The following LIPH variants were observed in gnomAD, a reference collection of about 807,000 sequenced individuals.
The protein encoded by LIPH is lipase member H.
A neutral mutation model predicts 47.6 loss-of-function variants in LIPH; 32 were observed. The ratio of observed to expected loss-of-function variants is 0.67; its 90% CI spans 0.51 to 0.90. The LOEUF (loss-of-function observed/expected upper bound fraction) is 0.90, where lower values mean the gene tolerates loss of function less well. Ranked by LOEUF, LIPH falls within the 40% of genes least tolerant of loss-of-function variation. The probability of loss-of-function intolerance (pLI) is 0.00; values close to 1 mark genes in which losing one functional copy is unlikely to be tolerated. For missense variants in LIPH, 497 were observed against 541.4 expected (o/e 0.92, Z 0.81); for synonymous variants, 190 against 195.6 (o/e 0.97, Z 0.24).
At chr3:185,528,966 A>G (rs1398221435) in intron 3 of LIPH, among the ~76,000 whole-genome samples, 2 of 149,504 alleles carry the variant, frequency 1.3e-5, no homozygotes, top group Non-Finnish European at 3.0e-5. Flanking sequence ...GATTGAGACC[A>G]TCCTGGCTAA....
intron 3 of LIPH, among the ~76,000 whole-genome samples, chr3:185,533,100 G>A (rs1720384584): frequency 6.6e-6 from 1 of 152,154 alleles, no homozygotes; most frequent in Non-Finnish European, 1.5e-5. Context: ...CTGCATTTCT[G>A]AAGGTTTTCA....
chr3:185,528,558 C>G (rs1720200846), intron 3 of LIPH, among the ~76,000 whole-genome samples: 1 of 152,118 alleles, frequency 6.6e-6, no homozygotes, highest in South Asian at 2.1e-4. Flanking sequence ...AGATCAAGAG[C>G]CTTGATCAGA....
rs992974246 is a variant in LIPH, at chr3:185,508,586, C to G, written c.*204G>C. On this transcript the variant is annotated 3_prime_UTR_variant, in exon 10 of 10. Coordinates refer to ENST00000296252, the MANE Select transcript of LIPH (RefSeq NM_139248.3). ...TGCGAGCCTGGCTATTTCTGACTTG[C>G]CCTAGTTAGGGGCTCCTTCCCAGGA... The G allele has an allele frequency of 1.0e-5, 6 of 584,838 alleles. No homozygotes were observed. The highest frequency in any genetic ancestry group is 3.7e-5 in the African/African-American group (2 of 53,620). 36.2% of individuals were successfully genotyped at this position (584,838 alleles called of 1,614,324 possible).
rs1399229399 is a variant in LIPH at position 185,511,536 on chromosome 3, G to A, written c.1256C>T (p.Ala419Val). 6.2e-7 allele frequency: 1 copy of A among 1,614,100 alleles called. No individual in the cohort carries two copies. The highest frequency in any genetic ancestry group is 8.5e-7 in the Non-Finnish European group (1 of 1,179,984). ...RILRMKLRSL[A>V]HPERPQLCRY... ...ACCCTCAGCTCACCTCTCCGGATGG[G>A]CAAGGGACCTTAACTTCATTCGGAG... The change falls in exon 9 of 10, where the codon GCC becomes GTC. Residue 419 changes from alanine to valine, a missense_variant. Coordinates refer to ENST00000296252, the MANE Select transcript of LIPH (RefSeq NM_139248.3).
At chr3:185,529,945 AGAAAGAAAGAAAGAAAGAAG>A (rs1482522023) in intron 3 of LIPH, among the ~76,000 whole-genome samples, 160 of 53,846 alleles carry the variant, frequency 3.0e-3, no homozygotes, top group Non-Finnish European at 4.5e-3. Flanking sequence ...AAAGAAAGAA[AGAAAGAAAGAAAGAAAGAAG>A]GAAAGAAAGA....
chr3:185,527,428 G>A, intron 4 of LIPH, 56 bp downstream of exon 4: 1 of 1,160,860 alleles, frequency 8.6e-7, no homozygotes, highest in South Asian at 1.2e-5. Flanking sequence ...CTCTCCCCAG[G>A]GGACACTCTT....
chr3:185,526,516 C>T (rs933284349), intron 4 of LIPH, among the ~76,000 whole-genome samples: 18 of 140,442 alleles, frequency 1.3e-4, no homozygotes, highest in East Asian at 2.1e-4. Flanking sequence ...AGTGAAACTC[C>T]GTCTCAAAAT....
At chr3:185,539,116 G>T (rs1976858) in intron 1 of LIPH, among the ~76,000 whole-genome samples, 1 of 151,420 alleles carries the variant, frequency 6.6e-6, no homozygotes, top group South Asian at 2.1e-4. Context: ...CTACAGGCGC[G>T]TGCCATCATG....
chr3:185,528,191 C>T (rs548409968), intron 3 of LIPH, among the ~76,000 whole-genome samples: 1 of 148,190 alleles, frequency 6.7e-6, no homozygotes, highest in African/African-American at 2.5e-5. Flanking sequence ...TCCAGCCTGG[C>T]GGCAGAGCAA....
At chr3:185,512,604 T>G (rs1392358278) in intron 8 of LIPH, among the ~76,000 whole-genome samples, 1 of 151,356 alleles carries the variant, frequency 6.6e-6, no homozygotes, top group Non-Finnish European at 1.5e-5. Flanking sequence ...TTTTCCTGCC[T>G]CAGCCTCGCG....
In LIPH at chr3:185,525,603, C is replaced by A. The variant is rs141738703; in HGVS notation, c.629-1443G>T. On this transcript the variant is annotated intron_variant, in intron 4 of 9. Transcript: ENST00000296252. ...GACCAGCCTGGGCAACATAGTGAGA[C>A]CTTGTCTCTATCAGTGAAAAAAAAG... Among the ~76,000 whole-genome samples the A allele has an allele frequency of 2.5e-3, 384 of 152,028 alleles. 1 individual carries two copies. The highest frequency in any genetic ancestry group is 8.8e-3 in the African/African-American group (367 of 41,478).
At position 185,517,148 on chromosome 3, in the gene LIPH, T is replaced by G; in HGVS notation, c.901A>C (p.Asn301His). The G allele has an allele frequency of 1.9e-6, 3 of 1,597,318 alleles. No individual in the cohort carries two copies. Among genetic ancestry groups the G allele is most frequent in the Non-Finnish European group, 2.6e-6 (3 of 1,164,692 alleles). Residue 301 changes from asparagine (N) to histidine (H), a missense_variant, in exon 7 of 10, where the codon AAT (asparagine) becomes CAT (histidine). Transcript: ENST00000296252. ...TTCCCCCTTAGATGGTCTTTCCAATTATCAGCATAATAGCCTATGAAACAA... is the reference window on the plus strand; with the variant it reads ...TTCCCCCTTAGATGGTCTTTCCAATGATCAGCATAATAGCCTATGAAACAA... ...SCPLLGYYAD[N>H]WKDHLRGKDP...
chr3:185,531,639 G>A (rs1332685374), intron 3 of LIPH, among the ~76,000 whole-genome samples: 1 of 151,560 alleles, frequency 6.6e-6, no homozygotes. Flanking sequence ...CCAGCACTAT[G>A]GGGGACCACC....
intron 1 of LIPH, among the ~76,000 whole-genome samples, chr3:185,545,487 C>T (rs1332386463): frequency 6.6e-6 from 1 of 152,186 alleles, no homozygotes; most frequent in Non-Finnish European, 1.5e-5. Flanking sequence ...CTTTCCTGCT[C>T]TAAAGGCAGA....
intron 9 of LIPH, among the ~76,000 whole-genome samples, chr3:185,510,250 C>T (rs945117882): frequency 6.6e-5 from 10 of 152,142 alleles, no homozygotes; most frequent in African/African-American, 2.4e-4. Context: ...TGTTCAGTCC[C>T]TAAACTTTTA....
chr3:185,527,339 A>G (rs1720139193), intron 4 of LIPH, 145 bp downstream of exon 4: 2 of 726,690 alleles, frequency 2.8e-6, no homozygotes, highest in Non-Finnish European at 5.1e-6. Flanking sequence ...CTTCCCTTCA[A>G]TATTTCGGTG....
intron 1 of LIPH, among the ~76,000 whole-genome samples, chr3:185,538,816 TAC>T (rs1294241917): frequency 6.5e-4 from 6 of 9,202 alleles, no homozygotes; most frequent in East Asian, 9.8e-3. Flanking sequence ...TATACATATA[TAC>T]ACACATATAC....
intron 2 of LIPH, 31 bp downstream of exon 2, chr3:185,534,734 A>G: frequency 6.2e-7 from 1 of 1,611,116 alleles, no homozygotes; most frequent in Non-Finnish European, 8.5e-7. Flanking sequence ...GTTTCAACTT[A>G]GCTCTGAATC....
At chr3:185,535,753 C>T (rs1433543035) in intron 1 of LIPH, among the ~76,000 whole-genome samples, 4 of 151,900 alleles carry the variant, frequency 2.6e-5, no homozygotes, top group East Asian at 1.9e-4. Context: ...CAGGCATCCA[C>T]CACAACACCG....
Sources: gnomAD v4.1 joint callset for allele counts (sites outside exome capture counted in the v4.1 genomes callset) on GRCh38, gnomAD v4.1.1 for gene constraint, MANE v1.5 for transcripts, NCBI Gene and HGNC (gene_info 2026-07-23, HGNC 2026-07-21) for gene names.